SH3RF1: variants seen among roughly 807,000 people sequenced by gnomAD.
SH3RF1 encodes the protein SH3 domain containing ring finger 1.
In SH3RF1, 32 loss-of-function variants were observed where a neutral mutation model predicts 74.0. The observed-to-expected ratio is 0.43, with a 90% CI of 0.33 to 0.58. The LOEUF (loss-of-function observed/expected upper bound fraction) is 0.58. Among genes scored for constraint, SH3RF1 ranks in the 20% least tolerant of loss-of-function variants. The probability of loss-of-function intolerance (pLI) is 0.05; values close to 1 mark genes in which losing one functional copy is unlikely to be tolerated. For missense variants in SH3RF1, 954 were observed against 1,130.9 expected, an observed-to-expected ratio of 0.84 and a Z score of 2.24; for synonymous variants, 396 against 439.6, an observed-to-expected ratio of 0.90 and a Z score of 1.24.
At chr4:169,255,835 A>G (rs1486715229) in intron 2 of SH3RF1, among the ~76,000 whole-genome samples, 1 of 151,548 alleles carries the variant, frequency 6.6e-6, no homozygotes, top group Non-Finnish European at 1.5e-5. Flanking sequence ...TGGCGTGATC[A>G]TGGCTCACTG....
chr4:169,199,953 A>G (rs960012466), intron 2 of SH3RF1, among the ~76,000 whole-genome samples: 4 of 151,624 alleles, frequency 2.6e-5, no homozygotes, highest in African/African-American at 9.7e-5. Context: ...CCTAAAACAT[A>G]AAGACATAAA....
At chr4:169,242,452 T>C (rs1368930801) in intron 2 of SH3RF1, among the ~76,000 whole-genome samples, 1 of 152,240 alleles carries the variant, frequency 6.6e-6, no homozygotes, top group East Asian at 1.9e-4. Context: ...ACTTACATTT[T>C]GGATGTATTT....
chr4:169,152,811 C>T (rs1357457612), intron 4 of SH3RF1, among the ~76,000 whole-genome samples: 1 of 152,168 alleles, frequency 6.6e-6, no homozygotes, highest in African/African-American at 2.4e-5. Context: ...CTCCAGTGCA[C>T]GTGGAGATCA....
At chr4:169,133,795 G>A (rs1033556310) in intron 5 of SH3RF1, among the ~76,000 whole-genome samples, 18 of 152,000 alleles carry the variant, frequency 1.2e-4, no homozygotes, top group African/African-American at 4.1e-4. Flanking sequence ...AAAAGAAAAG[G>A]AAAGGAAATT....
At chr4:169,099,970 C>T (rs1226666208) in intron 11 of SH3RF1, among the ~76,000 whole-genome samples, 10 of 152,196 alleles carry the variant, frequency 6.6e-5, no homozygotes, top group African/African-American at 2.4e-4. Context: ...AGGTCCTGAT[C>T]TTGAGCCTTG....
At chr4:169,108,696 C>T (rs866237714) in intron 10 of SH3RF1, among the ~76,000 whole-genome samples, 6 of 152,352 alleles carry the variant, frequency 3.9e-5, no homozygotes, top group South Asian at 2.1e-4. Context: ...TATGCGCTTT[C>T]GCTTCACTCA....
At chr4:169,249,438 C>T (rs1731061376) in intron 2 of SH3RF1, among the ~76,000 whole-genome samples, 1 of 152,160 alleles carries the variant, frequency 6.6e-6, no homozygotes, top group Non-Finnish European at 1.5e-5. Flanking sequence ...CCTACCAGCA[C>T]CTTGATCTTG....
intron 11 of SH3RF1, 123 bp from the exon 12 acceptor site, chr4:169,096,810 A>G (rs1172175810): frequency 4.3e-6 from 4 of 923,452 alleles, no homozygotes; most frequent in Non-Finnish European, 6.4e-6. Flanking sequence ...TTATGATTGT[A>G]AAACAACTCA....
intron 11 of SH3RF1, among the ~76,000 whole-genome samples, chr4:169,098,076 C>T (rs1732960598): frequency 6.6e-6 from 1 of 152,206 alleles, no homozygotes; most frequent in Non-Finnish European, 1.5e-5. Context: ...TACTCTAAGC[C>T]AGAACCAACC....
intron 2 of SH3RF1, among the ~76,000 whole-genome samples, chr4:169,233,076 C>T (rs1320619017): frequency 1.3e-5 from 2 of 151,896 alleles, no homozygotes; most frequent in Admixed American, 1.3e-4. Context: ...TGGCAAAACC[C>T]CATCTCTACT....
At chr4:169,216,003 C>T (rs55971355) in intron 2 of SH3RF1, among the ~76,000 whole-genome samples, 58,754 of 151,880 alleles carry the variant, frequency 0.39, 13,308 homozygotes, top group East Asian at 0.71. Flanking sequence ...AAGGTTTTGT[C>T]CTGTTGCCCA....
Position 169,094,451 on chromosome 4 carries a change from T to C in SH3RF1, c.*2068A>G, listed in dbSNP as rs1469804816. On this transcript the variant is annotated 3_prime_UTR_variant, in exon 12 of 12. Transcript: ENST00000284637. ...TACATTATATTACCTAATGATCTAT[T>C]AACAGATGAAATTTTAACCAACTTT... The C allele has an allele frequency of 2.0e-5, 3 of 152,130 alleles. No homozygotes were observed. The highest frequency in any genetic ancestry group is 4.4e-5 in the Non-Finnish European group (3 of 68,014). The allele number at this position is 152,130 out of a possible 1,614,324, so 9.4% of individuals were successfully genotyped here.
chr4:169,217,700 G>A (rs1033374098), intron 2 of SH3RF1, among the ~76,000 whole-genome samples: 3 of 152,132 alleles, frequency 2.0e-5, no homozygotes, highest in East Asian at 3.8e-4. Flanking sequence ...GAAGGGAATA[G>A]GGAGTTACTG....
At chr4:169,210,661 T>G (rs1730342732) in intron 2 of SH3RF1, among the ~76,000 whole-genome samples, 1 of 152,244 alleles carries the variant, frequency 6.6e-6, no homozygotes, top group Non-Finnish European at 1.5e-5. Flanking sequence ...CCATGCATAG[T>G]CGACTGTGAC....
intron 10 of SH3RF1, among the ~76,000 whole-genome samples, chr4:169,110,843 G>A (rs1193808021): frequency 2.0e-5 from 3 of 152,110 alleles, no homozygotes; most frequent in African/African-American, 7.2e-5. Context: ...TGGAATTAAT[G>A]TCAATGTCAG....
intron 2 of SH3RF1, among the ~76,000 whole-genome samples, chr4:169,226,883 G>A (rs1012140478): frequency 6.6e-6 from 1 of 152,088 alleles, no homozygotes; most frequent in Non-Finnish European, 1.5e-5. Flanking sequence ...AAATACATAA[G>A]AGGCCAGGCA....
intron 6 of SH3RF1, among the ~76,000 whole-genome samples, chr4:169,123,726 C>T (rs1271531845): frequency 2.0e-5 from 3 of 152,218 alleles, no homozygotes; most frequent in South Asian, 4.1e-4. Flanking sequence ...CCCATCTCTA[C>T]TAAAAATACA....
chr4:169,194,229 A>G (rs1260206979), intron 2 of SH3RF1, among the ~76,000 whole-genome samples: 1 of 152,190 alleles, frequency 6.6e-6, no homozygotes, highest in Admixed American at 6.6e-5. Context: ...AAGCATATAA[A>G]ACTGCACAAA....
intron 2 of SH3RF1, among the ~76,000 whole-genome samples, chr4:169,163,603 T>C (rs1303888685): frequency 6.6e-6 from 1 of 152,226 alleles, no homozygotes; most frequent in African/African-American, 2.4e-5. Flanking sequence ...CACCTATGTC[T>C]TTACAATCTG....
Sources: allele counts gnomAD v4.1 joint callset (sites outside exome capture counted in the v4.1 genomes callset), GRCh38; gene constraint gnomAD v4.1.1; transcripts MANE v1.5; gene names NCBI Gene and HGNC (gene_info 2026-07-23, HGNC 2026-07-21).